PSMG4: variants seen among roughly 807,000 people sequenced by gnomAD.
PSMG4 encodes the protein proteasome (prosome, macropain) assembly chaperone 4.
Under a neutral mutation model 11.0 loss-of-function variants are expected in PSMG4, and 10 were observed. The observed-to-expected ratio is 0.91, with a 90% confidence interval of 0.56 to 1.54. The LOEUF (loss-of-function observed/expected upper bound fraction) is 1.54, where lower values mean the gene tolerates loss of function less well. Among genes scored for constraint, PSMG4 ranks in the 40% most tolerant of loss-of-function variants. The pLI is 0.00. For missense variants in PSMG4, 198 were observed against 160.9 expected, an observed-to-expected ratio of 1.23 and a Z score of -1.25; for synonymous variants, 95 against 71.3, an observed-to-expected ratio of 1.33 and a Z score of -1.68.
At chr6:3,261,339 C>T (rs1224535533) in intron 1 of PSMG4, among the ~76,000 whole-genome samples, 1 of 152,132 alleles carries the variant, frequency 6.6e-6, no homozygotes, top group African/African-American at 2.4e-5. Flanking sequence ...GCTGTGTGCT[C>T]TGTGCCACCT....
intron 1 of PSMG4, among the ~76,000 whole-genome samples, chr6:3,259,967 T>C (rs543877106): frequency 4.1e-4 from 62 of 152,264 alleles, no homozygotes; most frequent in African/African-American, 1.5e-3. Context: ...GTAGACAAGG[T>C]CTCTCACTGT....
At chr6:3,256,599 CATA>C (rs1315641052), upstream of PSMG4, among the ~76,000 whole-genome samples, 14 of 151,694 alleles carry the variant, frequency 9.2e-5, no homozygotes, top group African/African-American at 2.2e-4. Context: ...GCCCAGGCAT[CATA>C]ATGTTTTTGG....
chr6:3,256,317 G>A (rs1385539047), upstream of PSMG4, among the ~76,000 whole-genome samples: 1 of 152,200 alleles, frequency 6.6e-6, no homozygotes, highest in Admixed American at 6.5e-5. Context: ...CCAGGGAAAT[G>A]ACCCCTGATG....
At chr6:3,256,151 T>C (rs915937991), upstream of PSMG4, among the ~76,000 whole-genome samples, 4 of 152,184 alleles carry the variant, frequency 2.6e-5, no homozygotes, top group Non-Finnish European at 5.9e-5. Flanking sequence ...GGAATACTGT[T>C]TTTGACATGC....
rs901513831 is a variant in PSMG4, at chr6:3,267,297, G to A, written c.251-294G>A. The stretch of plus-strand genomic sequence containing the variant: ...GCTGGCCCCAAATCCTGGCTTTCTG[G>A]GTCAGGAGGGCTGGGTGGGGCCCAG... On this transcript the variant is annotated intron_variant, in intron 2 of 2. Coordinates refer to ENST00000438998, the MANE Select transcript of PSMG4 (RefSeq NM_001128591.2). 5.8e-5 allele frequency: 15 copies of A among 259,884 alleles called. No homozygotes were observed. The East Asian group carries it at 1.0e-3, about 18-fold the overall frequency. The allele number at this position is 259,884 out of a possible 1,614,324, so 16.1% of individuals were successfully genotyped here. A position where few individuals can be genotyped will look rare whatever the true frequency, so the allele number is the denominator to read the frequency against.
At chr6:3,255,139 C>A, upstream of PSMG4, 1 of 1,550,944 alleles carries the variant, frequency 6.4e-7, no homozygotes, top group Non-Finnish European at 8.7e-7. Flanking sequence ...ATTGGTCATT[C>A]TCTTTGAGGA....
At chr6:3,258,881 G>A (rs570492431), upstream of PSMG4, 3 of 831,936 alleles carry the variant, frequency 3.6e-6, no homozygotes, top group South Asian at 6.3e-5. Context: ...GCCCCTCCCC[G>A]ACCACGCCCC....
chr6:3,265,505 C>T (rs1758148364), intron 2 of PSMG4: 1 of 152,252 alleles, frequency 6.6e-6, no homozygotes, highest in South Asian at 2.1e-4. Context: ...CCTCAGAAAT[C>T]CTGTCTCTGC....
chr6:3,260,557 A>G (rs1020371211), intron 1 of PSMG4, among the ~76,000 whole-genome samples: 6 of 151,794 alleles, frequency 4.0e-5, no homozygotes, highest in African/African-American at 1.2e-4. Context: ...AAAGGCAAGC[A>G]AGTCCCTTTG....
intron 1 of PSMG4, 110 bp downstream of exon 1, chr6:3,259,306 C>G (rs1757879658): frequency 1.9e-6 from 2 of 1,026,038 alleles, no homozygotes; most frequent in Admixed American, 8.7e-5. Flanking sequence ...GGGCGCCCTA[C>G]TCCCCCGAAG....
At position 3,259,028 on chromosome 6, in the gene PSMG4, G is replaced by C. The variant is rs976365457; in HGVS notation, c.6G>C (p.Glu2Asp). 3 of 1,248,322 alleles carry C rather than the reference G, an allele frequency of 2.4e-6. No homozygotes were observed. In the African/African-American group the frequency reaches 4.7e-5, roughly 19 times the overall value. 77.3% of individuals were successfully genotyped at this position (1,248,322 alleles called of 1,614,324 possible). MEGLVVAAGGDV... is the reference protein window; with the variant it reads MDGLVVAAGGDV... ...GCCGGGAGCCGTGGGGCGGCATGGA[G>C]GGGCTGGTTGTCGCCGCCGGCGGGG... Residue 2 changes from glutamate (E) to aspartate (D), a missense_variant, in exon 1 of 3, where the codon GAG (glutamate) becomes GAC (aspartate). Physicochemically the swap from Glu to Asp is conservative, Grantham distance 45. Coordinates refer to ENST00000438998, the MANE Select transcript of PSMG4 (RefSeq NM_001128591.2).
At chr6:3,257,251 G>A (rs1012225193), upstream of PSMG4, among the ~76,000 whole-genome samples, 1 of 152,198 alleles carries the variant, frequency 6.6e-6, no homozygotes, top group Non-Finnish European at 1.5e-5. Context: ...TCTAGGGACT[G>A]CAGGGCAGTG....
chr6:3,259,075 G>C lies in PSMG4; in HGVS notation c.53G>C (p.Ser18Thr). ...GGGGACGTCTCCCTGCACAACTTCA[G>C]CGCGAGGCTGTGGGAGCAGCTGGTC... ...AGGDVSLHNF[S>T]ARLWEQLVHF... The change falls in exon 1 of 3, where the codon AGC becomes ACC. Residue 18 changes from serine to threonine, a missense_variant. By Grantham distance (58) the Ser-to-Thr change is moderately conservative (BLOSUM62 1). Coordinates refer to ENST00000438998, the MANE Select transcript of PSMG4 (RefSeq NM_001128591.2). 7.9e-7 allele frequency: 1 copy of C among 1,270,208 alleles called. No homozygotes were observed. Among genetic ancestry groups the C allele is most frequent in the South Asian group, 3.0e-5 (1 of 33,748 alleles). 78.7% of individuals were successfully genotyped at this position (1,270,208 alleles called of 1,614,324 possible). A position where few individuals can be genotyped will look rare whatever the true frequency, so the allele number is the denominator to read the frequency against.
At chr6:3,267,116 A>C (rs1758216461) in intron 2 of PSMG4, 1 of 152,260 alleles carries the variant, frequency 6.6e-6, no homozygotes, top group African/African-American at 2.4e-5. Flanking sequence ...CGGCCTCCCA[A>C]AGTGCTGGGA....
chr6:3,263,125 T>A (rs1450154768), intron 1 of PSMG4, among the ~76,000 whole-genome samples: 1 of 128,086 alleles, frequency 7.8e-6, no homozygotes, highest in Non-Finnish European at 1.8e-5. Context: ...GTTCAGAAGT[T>A]ATTTTCCCTA....
rs1365957231 is a variant in PSMG4, at chr6:3,263,673, T to G, written c.175-11T>G. The G allele has an allele frequency of 3.3e-6, 5 of 1,536,378 alleles. No homozygotes were observed. In the East Asian group the frequency reaches 1.2e-4, roughly 38 times the overall value. On this transcript the variant is annotated splice_polypyrimidine_tract_variant and intron_variant, in intron 1 of 2. Coordinates refer to ENST00000438998, the MANE Select transcript of PSMG4 (RefSeq NM_001128591.2). The stretch of plus-strand genomic sequence containing the variant: ...GGAGAAGCTGCAGTGTGCCCTTTGC[T>G]TTTCTTTTAGGACTCCATCCCCGTG...
rs1188775173 is a variant in PSMG4 at position 3,259,175 on chromosome 6, C to G, written c.153C>G (p.Ala51=). The G allele has an allele frequency of 3.1e-6, 4 of 1,304,312 alleles. No individual in the cohort carries two copies. The highest frequency in any genetic ancestry group is 4.7e-5 in the South Asian group (2 of 42,146). The allele number at this position is 1,304,312 out of a possible 1,614,324, so 80.8% of individuals were successfully genotyped here. The part of the protein sequence containing the change: ...VGATPHLRNL[A]VAMCSRYDSI... ...CCACGCCGCACCTGCGCAACCTCGC[C>G]GTGGCCATGTGCAGCCGCTACGTGA... The change falls in exon 1 of 3, where the codon GCC becomes GCG. Residue 51 remains alanine (A), a synonymous_variant. Transcript: ENST00000438998.
chr6:3,263,545 C>G, intron 1 of PSMG4, 139 bp from the exon 2 acceptor site: 1 of 684,484 alleles, frequency 1.5e-6, no homozygotes. Context: ...CGCCACCCCT[C>G]TTTCCCTCGG....
At position 3,267,150 on chromosome 6, in the gene PSMG4, C is replaced by T. The variant is rs534620082; in HGVS notation, c.251-441C>T. Reference sequence around the variant, plus strand: ...GATTATGGGCGTGAGCCACCGCTCCCGGCCATTTTTTGTGTTTAAATTTTT... The same window carrying T: ...GATTATGGGCGTGAGCCACCGCTCCTGGCCATTTTTTGTGTTTAAATTTTT... On this transcript the variant is annotated intron_variant, in intron 2 of 2. Transcript: ENST00000438998. 6.9e-3 allele frequency: 1,053 copies of T among 151,560 alleles called. 16 individuals carry two copies. The highest frequency in any genetic ancestry group is 0.024 in the African/African-American group (991 of 40,882). The allele number at this position is 151,560 out of a possible 1,614,324, so 9.4% of individuals were successfully genotyped here.
Sources: gnomAD v4.1 joint callset for allele counts (sites outside exome capture counted in the v4.1 genomes callset) on GRCh38, gnomAD v4.1.1 for gene constraint, MANE v1.5 for transcripts, NCBI Gene and HGNC (gene_info 2026-07-23, HGNC 2026-07-21) for gene names.